Variants in NELL1 observed in about 807,000 individuals in gnomAD.
The protein encoded by NELL1 is neural EGFL like 1.
Under a neutral mutation model 107.4 loss-of-function variants are expected in NELL1, and 76 were observed. The ratio of observed to expected loss-of-function variants is 0.71; its 90% CI spans 0.59 to 0.86. NELL1 has a LOEUF of 0.86. NELL1 is among the 40% of genes least tolerant of loss of function. The pLI is 0.00. For synonymous variants in NELL1, 353 were observed against 341.2 expected, an observed-to-expected ratio of 1.03 and a Z score of -0.38; for missense variants, 1,024 against 1,005.5, an observed-to-expected ratio of 1.02 and a Z score of -0.25.
intron 3 of NELL1, among the ~76,000 whole-genome samples, chr11:20,827,460 G>A (rs764975029): frequency 1.3e-5 from 2 of 151,228 alleles, no homozygotes; most frequent in Non-Finnish European, 3.0e-5. Flanking sequence ...AGGTGTTTCT[G>A]GCTAGGTATC....
At chr11:20,991,541 A>G (rs1294222738) in intron 12 of NELL1, among the ~76,000 whole-genome samples, 1 of 152,210 alleles carries the variant, frequency 6.6e-6, no homozygotes, top group African/African-American at 2.4e-5. Context: ...ATTAAAATCC[A>G]GATTGGTCTG....
At chr11:20,981,893 G>C (rs1851756711) in intron 12 of NELL1, among the ~76,000 whole-genome samples, 1 of 151,814 alleles carries the variant, frequency 6.6e-6, no homozygotes, top group Non-Finnish European at 1.5e-5. Context: ...TTCAGGCAAA[G>C]CTGGATTCAG....
chr11:21,558,038 A>C (rs947537279), intron 16 of NELL1, among the ~76,000 whole-genome samples: 7 of 151,986 alleles, frequency 4.6e-5, no homozygotes, highest in African/African-American at 1.7e-4. Flanking sequence ...GAAAGCAAAA[A>C]ATCTGTAGTG....
chr11:20,745,837 C>T (rs1289707788), intron 2 of NELL1, among the ~76,000 whole-genome samples: 1 of 152,134 alleles, frequency 6.6e-6, no homozygotes, highest in African/African-American at 2.4e-5. Flanking sequence ...ATGACTTGTC[C>T]AAGAACACAT....
chr11:21,114,786 G>A (rs2133731218), intron 13 of NELL1, among the ~76,000 whole-genome samples: 1 of 152,098 alleles, frequency 6.6e-6, no homozygotes. Flanking sequence ...AAAGAAGAGA[G>A]AGACTGCATA....
chr11:21,101,751 A>G (rs1194299861), intron 12 of NELL1, among the ~76,000 whole-genome samples: 1 of 152,212 alleles, frequency 6.6e-6, no homozygotes, highest in African/African-American at 2.4e-5. Flanking sequence ...CCTTTGTCAG[A>G]TGAGTAGATT....
intron 3 of NELL1, among the ~76,000 whole-genome samples, chr11:20,823,532 T>C (rs1857806871): frequency 6.6e-6 from 1 of 151,270 alleles, no homozygotes; most frequent in Non-Finnish European, 1.5e-5. Flanking sequence ...CCAAATCCCC[T>C]TGGACTTCAG....
chr11:20,798,549 A>G (rs571305488), intron 3 of NELL1, among the ~76,000 whole-genome samples: 90 of 152,330 alleles, frequency 5.9e-4, no homozygotes, highest in African/African-American at 2.1e-3. Context: ...TAGTTGTGAA[A>G]CACTTGCATT....
intron 12 of NELL1, among the ~76,000 whole-genome samples, chr11:20,973,579 T>C (rs1312195614): frequency 2.6e-5 from 4 of 152,228 alleles, no homozygotes; most frequent in East Asian, 1.9e-4. Context: ...GGATAAACTT[T>C]AGTGCTCTAT....
chr11:21,402,954 T>C (rs10766798), intron 15 of NELL1, among the ~76,000 whole-genome samples: 89,184 of 151,346 alleles, frequency 0.59, 27,170 homozygotes, highest in Non-Finnish European at 0.66. Flanking sequence ...CTGACCTCCT[T>C]GATATTGGTC....
At chr11:21,130,797 G>C (rs1004769657) in intron 13 of NELL1, among the ~76,000 whole-genome samples, 2 of 152,124 alleles carry the variant, frequency 1.3e-5, no homozygotes, top group Non-Finnish European at 1.5e-5. Context: ...ATGTTCTTTG[G>C]GGCTTTGAAA....
chr11:21,219,190 A>C (rs1350779882), intron 13 of NELL1, among the ~76,000 whole-genome samples: 1 of 152,100 alleles, frequency 6.6e-6, no homozygotes, highest in East Asian at 1.9e-4. Flanking sequence ...GGGTGAGATA[A>C]TATCTCACTG....
intron 13 of NELL1, among the ~76,000 whole-genome samples, chr11:21,120,430 A>T (rs1006745879): frequency 3.3e-5 from 5 of 152,144 alleles, no homozygotes; most frequent in African/African-American, 4.8e-5. Flanking sequence ...ATGAAATGGA[A>T]CTAAAACAGA....
At chr11:20,738,577 C>T (rs1017987698) in intron 2 of NELL1, among the ~76,000 whole-genome samples, 2 of 152,106 alleles carry the variant, frequency 1.3e-5, no homozygotes, top group Non-Finnish European at 2.9e-5. Context: ...TCTTTCTTTT[C>T]TTCATTCTTT....
intron 15 of NELL1, chr11:21,504,229 T>G (rs974323586): frequency 4.6e-5 from 7 of 152,334 alleles, no homozygotes; most frequent in Middle Eastern, 6.8e-3. Flanking sequence ...TTTTTCTGAG[T>G]GCATTTAACT....
chr11:21,130,143 T>C (rs1284499206), intron 13 of NELL1, among the ~76,000 whole-genome samples: 1 of 152,184 alleles, frequency 6.6e-6, no homozygotes, highest in Non-Finnish European at 1.5e-5. Context: ...AAATTTCAAA[T>C]AGTCATCTGC....
intron 10 of NELL1, 150 bp downstream of exon 10, chr11:20,938,009 G>T: frequency 2.9e-6 from 2 of 689,878 alleles, no homozygotes; most frequent in Non-Finnish European, 5.0e-6. Flanking sequence ...ACATGATGGC[G>T]AGGATCCAGC....
chr11:21,534,844 A>G (rs887556604), intron 16 of NELL1, among the ~76,000 whole-genome samples: 8 of 152,140 alleles, frequency 5.3e-5, no homozygotes, highest in Admixed American at 3.3e-4. Flanking sequence ...TTGGGAGGCA[A>G]CTGTAGAGAT....
At chr11:20,914,503 A>G (rs1447189310) in intron 5 of NELL1, among the ~76,000 whole-genome samples, 1 of 152,134 alleles carries the variant, frequency 6.6e-6, no homozygotes, top group Admixed American at 6.6e-5. Flanking sequence ...TGAAGCCTCT[A>G]AATAGCAGGC....
Sources: gnomAD v4.1 joint callset for allele counts (sites outside exome capture counted in the v4.1 genomes callset) on GRCh38, gnomAD v4.1.1 for gene constraint, MANE v1.5 for transcripts, NCBI Gene and HGNC (gene_info 2026-07-23, HGNC 2026-07-21) for gene names.